CDH23: variants seen among roughly 807,000 people sequenced by gnomAD.
CDH23 encodes the protein cadherin-23.
CDH23 carries 189 observed loss-of-function variants against 317.1 expected under a neutral mutation model. The observed-to-expected ratio is 0.60, with a 90% CI of 0.53 to 0.67. CDH23 has a LOEUF of 0.67. CDH23 is among the 30% of genes least tolerant of loss of function. CDH23 has a pLI of 0.00. For synonymous variants in CDH23, 1,839 were observed against 1,876.8 expected (o/e 0.98, Z 0.52); for missense variants, 4,401 against 4,592.4 (o/e 0.96, Z 1.20).
intron 13 of CDH23, 120 bp from the exon 14 acceptor site, chr10:71,646,339 A>C: frequency 6.8e-7 from 1 of 1,465,092 alleles, no homozygotes; most frequent in Non-Finnish European, 9.3e-7. Flanking sequence ...TGGGATGGGC[A>C]GAGACTCTAA....
chr10:71,770,931 C>G (rs762743630), intron 38 of CDH23, among the ~76,000 whole-genome samples: 4 of 152,196 alleles, frequency 2.6e-5, no homozygotes, highest in Non-Finnish European at 4.4e-5. Context: ...CTGTTCCTCT[C>G]TACTCCAGAG....
intron 11 of CDH23, among the ~76,000 whole-genome samples, chr10:71,640,438 GA>G (rs1862483394): frequency 6.6e-6 from 1 of 152,212 alleles, no homozygotes; most frequent in Admixed American, 6.5e-5. Flanking sequence ...CAGAATGCCT[GA>G]AGGGCTTGTT....
chr10:71,686,638 G>C (rs1215137564), intron 18 of CDH23, among the ~76,000 whole-genome samples: 1 of 152,110 alleles, frequency 6.6e-6, no homozygotes, highest in Non-Finnish European at 1.5e-5. Context: ...CCTTCTCATG[G>C]AACTCCTATT....
chr10:71,767,533 G>C (rs530068257), intron 38 of CDH23, among the ~76,000 whole-genome samples: 1 of 152,172 alleles, frequency 6.6e-6, no homozygotes, highest in Non-Finnish European at 1.5e-5. Flanking sequence ...CCAGCTCCCC[G>C]CCAGGCCCCA....
chr10:71,793,136 G>C, intron 47 of CDH23, 46 bp from the exon 48 acceptor site: 1 of 1,431,666 alleles, frequency 7.0e-7, no homozygotes, highest in Non-Finnish European at 9.6e-7. Context: ...AGATCTTTCT[G>C]GAAGAGGCCA....
rs140696636 is a variant in CDH23 at position 71,437,023 on chromosome 10, G to A, written c.-5-2804G>A. Among the ~76,000 whole-genome samples the A allele has an allele frequency of 1.1e-3, 163 of 152,302 alleles. 3 individuals carry two copies. The East Asian group carries it at 0.019, about 17-fold the overall frequency. ...AAGTGGTTTGAACATTTAGAGAAAG[G>A]CATCTTGCTCAACCCCGCTAGTAGT... On this transcript the variant is annotated intron_variant, in intron 1 of 69. Coordinates refer to ENST00000224721, the MANE Select transcript of CDH23 (RefSeq NM_022124.6).
intron 27 of CDH23, among the ~76,000 whole-genome samples, chr10:71,711,036 G>A (rs1052214909): frequency 1.3e-5 from 2 of 152,240 alleles, no homozygotes; most frequent in East Asian, 3.9e-4. Flanking sequence ...AGAAGGGAAT[G>A]AATTCTCTGG....
intron 14 of CDH23, among the ~76,000 whole-genome samples, chr10:71,648,216 A>G (rs1862989261): frequency 6.6e-6 from 1 of 152,166 alleles, no homozygotes; most frequent in Middle Eastern, 3.2e-3. Flanking sequence ...CCTGCAATAA[A>G]TCACCAGGCG....
At chr10:71,432,973 C>T (rs1538809) in intron 1 of CDH23, among the ~76,000 whole-genome samples, 34 of 152,052 alleles carry the variant, frequency 2.2e-4, no homozygotes, top group African/African-American at 4.3e-4. Context: ...CAGGACAGTG[C>T]GGGAGAGAAC....
At chr10:71,739,883 C>T (rs953661114) in intron 36 of CDH23, 111 bp downstream of exon 36, 10 of 1,250,510 alleles carry the variant, frequency 8.0e-6, no homozygotes, top group East Asian at 2.6e-5. Context: ...GTGGTCAGTG[C>T]CCCTGCTGTC....
chr10:71,730,611 C>T lies in CDH23; in HGVS notation c.3715+7C>T. On this transcript the variant is annotated splice_region_variant and intron_variant, in intron 31 of 69. Transcript: ENST00000224721. ...GCCACAGACCGAGACTCTGGTGAGG[C>T]TGGCAGGAGGAAGCCGGGGATCCCA... 1 of 1,613,660 alleles carries T rather than the reference C, an allele frequency of 6.2e-7. No homozygotes were observed. Among genetic ancestry groups the T allele is most frequent in the South Asian group, 1.1e-5 (1 of 91,072 alleles).
At chr10:71,475,917 A>T (rs147393360) in intron 3 of CDH23, among the ~76,000 whole-genome samples, 4 of 152,196 alleles carry the variant, frequency 2.6e-5, no homozygotes, top group African/African-American at 7.2e-5. Context: ...CCCATCTGCC[A>T]TGTGGCCTAG....
chr10:71,666,317 C>T (rs1863892128), intron 14 of CDH23, among the ~76,000 whole-genome samples: 1 of 152,072 alleles, frequency 6.6e-6, no homozygotes, highest in Non-Finnish European at 1.5e-5. Flanking sequence ...TCCACCCCAC[C>T]GCTCACTCCC....
intron 14 of CDH23, among the ~76,000 whole-genome samples, chr10:71,670,226 G>A (rs1315860940): frequency 6.6e-6 from 1 of 152,186 alleles, no homozygotes; most frequent in Non-Finnish European, 1.5e-5. Context: ...CCCCTCTGTC[G>A]CTGCTTGCTG....
chr10:71,435,780 A>G (rs1849589043), intron 1 of CDH23, among the ~76,000 whole-genome samples: 1 of 152,080 alleles, frequency 6.6e-6, no homozygotes, highest in African/African-American at 2.4e-5. Context: ...AGGCTGGGGG[A>G]ACAGCTATTG....
At position 71,777,884 on chromosome 10, in the gene CDH23, C is replaced by T. The variant is rs111033522; in HGVS notation, c.5050C>T (p.Arg1684Cys). ...CGCAGGCAACATCGTCAACACCTTC[C>T]GCATCGACAGACACATGGTCAGCAG... The part of the protein sequence containing the change: ...IVAGNIVNTF[R>C]IDRHMGVITA... Residue 1684 changes from arginine to cysteine, a missense_variant, in exon 39 of 70, where the codon CGC becomes TGC. Around this residue, in one of 3 missense-constraint regions of CDH23, gnomAD observed 3,068 missense variants for 3,203.3 expected, o/e 0.96. Transcript: ENST00000224721. 1,223 of 1,613,872 alleles carry T rather than the reference C, an allele frequency of 7.6e-4. 1 individual carries two copies. The highest frequency in any genetic ancestry group is 9.7e-4 in the Non-Finnish European group (1,150 of 1,179,880).
chr10:71,789,432 A>G (rs1421326337), intron 45 of CDH23, among the ~76,000 whole-genome samples: 1 of 151,998 alleles, frequency 6.6e-6, no homozygotes, highest in East Asian at 1.9e-4. Context: ...AGCATCTATA[A>G]CTAGAAGTGG....
At chr10:71,466,904 A>G (rs999519744) in intron 3 of CDH23, among the ~76,000 whole-genome samples, 1 of 152,128 alleles carries the variant, frequency 6.6e-6, no homozygotes, top group Admixed American at 6.5e-5. Flanking sequence ...GCACGTGCAT[A>G]TATCTGTGGG....
At position 71,417,415 on chromosome 10, in the gene CDH23, T is replaced by C. The variant is rs1848583762; in HGVS notation, c.-6+20097T>C. Among the ~76,000 whole-genome samples the C allele has an allele frequency of 2.6e-5, 4 of 152,232 alleles. No homozygotes were observed. The South Asian group carries it at 8.3e-4, about 31-fold the overall frequency. ...TCTACAGTTATACTTTTATTTATCC[T>C]ACTTTGTATCCTTAGGATTTATCCA... On this transcript the variant is annotated intron_variant, in intron 1 of 69. Transcript: ENST00000224721.
Sources: allele counts gnomAD v4.1 joint callset (sites outside exome capture counted in the v4.1 genomes callset), GRCh38; gene constraint gnomAD v4.1.1; regional missense constraint gnomAD v4.1.1; transcripts MANE v1.5; gene names NCBI Gene and HGNC (gene_info 2026-07-23, HGNC 2026-07-21).